PPARGC1A: variants seen among roughly 807,000 people sequenced by gnomAD.
PPARGC1A encodes the protein peroxisome proliferator-activated receptor gamma coactivator 1-alpha.
A neutral mutation model predicts 88.7 loss-of-function variants in PPARGC1A; 25 were observed. The ratio of observed to expected loss-of-function variants is 0.28; its 90% confidence interval spans 0.21 to 0.39. The LOEUF (loss-of-function observed/expected upper bound fraction) is 0.39, where lower values mean the gene tolerates loss of function less well. Among genes scored for constraint, PPARGC1A ranks in the 10% least tolerant of loss-of-function variants. The pLI is 1.00. For missense variants in PPARGC1A, 880 were observed against 968.7 expected (o/e 0.91, Z 1.22); for synonymous variants, 363 against 355.6 (o/e 1.02, Z -0.24).
At chr4:24,413,130 C>T in the PPARGC1A span, among the ~76,000 whole-genome samples, 1 of 152,006 alleles carries the variant, frequency 6.6e-6, no homozygotes, top group Admixed American at 6.6e-5. Flanking sequence ...AGTGATGCTA[C>T]ACATAGGAAG....
At chr4:24,224,535 C>T in the PPARGC1A span, among the ~76,000 whole-genome samples, 5 of 152,168 alleles carry the variant, frequency 3.3e-5, no homozygotes, top group African/African-American at 9.7e-5. Flanking sequence ...TTTTTTCAAA[C>T]ACTTATTCGT....
the PPARGC1A span, among the ~76,000 whole-genome samples, chr4:24,281,755 C>T: frequency 5.3e-4 from 80 of 152,190 alleles, 1 homozygote; most frequent in African/African-American, 1.8e-3. Context: ...TTCTTCCCCC[C>T]CACCCCCAAT....
the PPARGC1A span, among the ~76,000 whole-genome samples, chr4:24,339,237 T>TCACACACACACACAC: frequency 4.8e-5 from 5 of 104,266 alleles, no homozygotes; most frequent in African/African-American, 2.0e-4. Flanking sequence ...TATATATATA[T>TCACACACACACACAC]ACACACACAC....
the PPARGC1A span, among the ~76,000 whole-genome samples, chr4:24,302,105 T>G: frequency 6.6e-6 from 1 of 152,296 alleles, no homozygotes; most frequent in South Asian, 2.1e-4. Context: ...CCACTCTAGA[T>G]TCAAGCTGCC....
chr4:23,898,358 G>C lies in PPARGC1A; in HGVS notation n.52+909C>G, dbSNP rs534539397. ...GCAAGAGGTAGAAGATGTATGCTTT[G>C]ATGCCACCTAAGACCAACCAGCTTG... is the stretch of plus-strand genomic sequence containing the variant. On this transcript the variant is annotated intron_variant and non_coding_transcript_variant, in intron 1 of 3. Coordinates refer to the PPARGC1A transcript ENST00000507342. Among the ~76,000 whole-genome samples the C allele has an allele frequency of 2.6e-5, 4 of 152,280 alleles. No individual in the cohort carries two copies. In the South Asian group the frequency reaches 8.3e-4, roughly 32 times the overall value.
At chr4:23,918,307 C>T in the PPARGC1A span, among the ~76,000 whole-genome samples, 1 of 151,770 alleles carries the variant, frequency 6.6e-6, no homozygotes, top group African/African-American at 2.4e-5. Flanking sequence ...ACTACAACCT[C>T]AGCCCCCAGG....
the PPARGC1A span, among the ~76,000 whole-genome samples, chr4:24,296,175 G>GTGTGTGTA: frequency 1.3e-5 from 2 of 149,650 alleles, no homozygotes; most frequent in African/African-American, 2.5e-5. Context: ...ATATTTATAT[G>GTGTGTGTA]TGTGTGTATG....
At chr4:24,302,549 C>G in the PPARGC1A span, among the ~76,000 whole-genome samples, 2 of 152,230 alleles carry the variant, frequency 1.3e-5, no homozygotes, top group Admixed American at 1.3e-4. Flanking sequence ...AATCAAAATG[C>G]TGTAGCTTCA....
At chr4:24,029,832 A>AC in the PPARGC1A span, among the ~76,000 whole-genome samples, 1 of 151,806 alleles carries the variant, frequency 6.6e-6, no homozygotes, top group Non-Finnish European at 1.5e-5. Context: ...ACCAGAGAAA[A>AC]CATCTCAGTG....
the PPARGC1A span, among the ~76,000 whole-genome samples, chr4:24,215,848 G>A: frequency 6.6e-6 from 1 of 152,182 alleles, no homozygotes; most frequent in Non-Finnish European, 1.5e-5. Flanking sequence ...ATACGGCTGT[G>A]AGAATGTGCT....
chr4:24,419,816 G>A, the PPARGC1A span, among the ~76,000 whole-genome samples: 1 of 152,106 alleles, frequency 6.6e-6, no homozygotes, highest in Admixed American at 6.5e-5. Flanking sequence ...AGAGACAAAA[G>A]AGGATAGAAA....
the PPARGC1A span, among the ~76,000 whole-genome samples, chr4:23,947,261 G>A: frequency 6.7e-6 from 1 of 150,202 alleles, no homozygotes; most frequent in South Asian, 2.1e-4. Flanking sequence ...TGTGTGCCAA[G>A]CACTATAGTA....
chr4:23,817,995 C>T lies in PPARGC1A; in HGVS notation c.878-3390G>A, dbSNP rs534309135. ...AGTTGTTATTTCTCTAGCCTCACCT[C>T]CGCTACCCACAACTTTCCCCCCTGA... On this transcript the variant is annotated intron_variant, in intron 7 of 12. Transcript: ENST00000264867. 2.5e-3 allele frequency among the ~76,000 whole-genome samples: 375 copies of T among 152,302 alleles called. 2 individuals carry two copies. The highest frequency in any genetic ancestry group is 4.3e-3 in the South Asian group (21 of 4,828).
the PPARGC1A span, among the ~76,000 whole-genome samples, chr4:24,135,986 A>C: frequency 6.6e-6 from 1 of 152,122 alleles, no homozygotes; most frequent in Non-Finnish European, 1.5e-5. Flanking sequence ...AGGAGGGGAG[A>C]GAGCAGAGGG....
chr4:24,162,001 CA>C, the PPARGC1A span, among the ~76,000 whole-genome samples: 2 of 146,222 alleles, frequency 1.4e-5, no homozygotes, highest in African/African-American at 5.2e-5. Context: ...CACACACACA[CA>C]CACACACACA....
chr4:24,443,783 T>C, the PPARGC1A span, among the ~76,000 whole-genome samples: 1 of 150,494 alleles, frequency 6.6e-6, no homozygotes, highest in Non-Finnish European at 1.5e-5. Context: ...CTCGAACTCC[T>C]GACCTCGTGA....
the PPARGC1A span, among the ~76,000 whole-genome samples, chr4:24,052,432 T>C: frequency 6.6e-6 from 1 of 151,994 alleles, no homozygotes; most frequent in South Asian, 2.1e-4. Context: ...AGGTCAGGAC[T>C]TTGAGACCAG....
the PPARGC1A span, among the ~76,000 whole-genome samples, chr4:24,050,909 C>G: frequency 1.3e-5 from 2 of 152,070 alleles, no homozygotes; most frequent in Non-Finnish European, 2.9e-5. Flanking sequence ...AGGTCTGGGC[C>G]GGGCGCAGTG....
chr4:23,954,228 T>C, the PPARGC1A span, among the ~76,000 whole-genome samples: 1 of 151,956 alleles, frequency 6.6e-6, no homozygotes, highest in Non-Finnish European at 1.5e-5. Context: ...GTACAGAAAA[T>C]AAGCATGCTA....
Sources: allele counts gnomAD v4.1 joint callset (sites outside exome capture counted in the v4.1 genomes callset), GRCh38; gene constraint gnomAD v4.1.1; transcripts MANE v1.5; gene names NCBI Gene and HGNC (gene_info 2026-07-23, HGNC 2026-07-21).